PALLD: variants seen among roughly 807,000 people sequenced by gnomAD.
PALLD encodes the protein palladin.
In PALLD, 61 loss-of-function variants were observed where a neutral mutation model predicts 123.5. The observed-to-expected ratio is 0.49, with a 90% CI of 0.40 to 0.61. The LOEUF is 0.61. Among genes scored for constraint, PALLD ranks in the 20% least tolerant of loss-of-function variants. PALLD has a pLI of 0.00. For missense variants in PALLD, 1,273 were observed against 1,377.0 expected (o/e 0.92, Z 1.20); for synonymous variants, 465 against 496.4 (o/e 0.94, Z 0.84).
At position 168,816,406 on chromosome 4, in the gene PALLD, TATA is replaced by T. The variant is rs1273034068; in HGVS notation, c.1965-74515_1965-74513del. Reference sequence around the variant, plus strand: ...GTATGTGTGTATATATATATATATATATATATATTTTTTTTAAGTATTAGATTG... The same window carrying T: ...GTATGTGTGTATATATATATATATATTATATTTTTTTTAAGTATTAGATTG... On this transcript the variant is annotated intron_variant, in intron 10 of 21. Transcript: ENST00000505667. Among the ~76,000 whole-genome samples the T allele has an allele frequency of 2.7e-3, 373 of 138,372 alleles. 1 individual carries two copies. Among genetic ancestry groups the T allele is most frequent in the Non-Finnish European group, 4.0e-3 (265 of 65,462 alleles). The allele number at this position is 138,372 out of a possible 152,430, so 90.8% of individuals were successfully genotyped here.
intron 10 of PALLD, among the ~76,000 whole-genome samples, chr4:168,823,686 A>C (rs80233879): frequency 0.06 from 9,088 of 152,090 alleles, 368 homozygotes; most frequent in South Asian, 0.17. Context: ...TTCAAAAAAA[A>C]AGAAATCCCT....
At chr4:168,835,643 A>G (rs933393076) in intron 10 of PALLD, among the ~76,000 whole-genome samples, 2 of 152,104 alleles carry the variant, frequency 1.3e-5, no homozygotes, top group African/African-American at 4.8e-5. Flanking sequence ...ATTTTAAGAG[A>G]GGATAAAGAA....
intron 10 of PALLD, among the ~76,000 whole-genome samples, chr4:168,853,145 G>T (rs1377492214): frequency 6.6e-6 from 1 of 152,190 alleles, no homozygotes; most frequent in African/African-American, 2.4e-5. Context: ...ACATCTGAGA[G>T]GACTTCATAT....
At chr4:168,831,729 A>G (rs1041770880) in intron 10 of PALLD, among the ~76,000 whole-genome samples, 1 of 152,156 alleles carries the variant, frequency 6.6e-6, no homozygotes, top group African/African-American at 2.4e-5. Context: ...GTAAAGGAAA[A>G]AAACACAAAC....
chr4:168,640,468 G>A (rs1376766730), intron 2 of PALLD, among the ~76,000 whole-genome samples: 1 of 152,172 alleles, frequency 6.6e-6, no homozygotes, highest in African/African-American at 2.4e-5. Flanking sequence ...AAAGCCAGTA[G>A]TCCATCTCCC....
chr4:168,597,107 C>T (rs1283238622), intron 2 of PALLD, among the ~76,000 whole-genome samples: 2 of 151,940 alleles, frequency 1.3e-5, no homozygotes, highest in East Asian at 3.9e-4. Context: ...AGAATTGTCA[C>T]AGATGAATTT....
At chr4:168,775,751 G>T (rs1026697880) in intron 10 of PALLD, among the ~76,000 whole-genome samples, 2 of 151,930 alleles carry the variant, frequency 1.3e-5, no homozygotes, top group South Asian at 2.1e-4. Context: ...TTATTTGTTT[G>T]CATATGCATT....
At chr4:168,747,271 A>G (rs542488506) in intron 10 of PALLD, among the ~76,000 whole-genome samples, 3 of 152,350 alleles carry the variant, frequency 2.0e-5, no homozygotes, top group African/African-American at 7.2e-5. Context: ...AGAAGACAGC[A>G]TGTCTAGGAC....
intron 10 of PALLD, among the ~76,000 whole-genome samples, chr4:168,884,826 A>G (rs1363696754): frequency 6.6e-6 from 1 of 152,126 alleles, no homozygotes; most frequent in Non-Finnish European, 1.5e-5. Context: ...ACTTACTTCC[A>G]TGCTGAATAT....
chr4:168,613,335 T>A (rs1773915078), intron 2 of PALLD, among the ~76,000 whole-genome samples: 1 of 152,088 alleles, frequency 6.6e-6, no homozygotes, highest in Admixed American at 6.5e-5. Flanking sequence ...AAGATAAACA[T>A]CTTGACTGAG....
chr4:168,851,832 A>C (rs762833808), intron 10 of PALLD, among the ~76,000 whole-genome samples: 6 of 152,170 alleles, frequency 3.9e-5, no homozygotes, highest in Non-Finnish European at 8.8e-5. Context: ...AAAATAATCT[A>C]ATGTTGAAGC....
intron 2 of PALLD, among the ~76,000 whole-genome samples, chr4:168,579,570 A>G (rs906869263): frequency 6.6e-5 from 10 of 152,206 alleles, no homozygotes; most frequent in Admixed American, 2.0e-4. Flanking sequence ...GTCTAGGTCA[A>G]TGTTCTTAAA....
intron 10 of PALLD, among the ~76,000 whole-genome samples, chr4:168,808,834 T>G (rs1013921462): frequency 9.2e-5 from 14 of 152,104 alleles, no homozygotes; most frequent in Admixed American, 6.5e-5. Flanking sequence ...GCCCCCATGA[T>G]TCAATTATCT....
At chr4:168,785,846 G>GAGATATATATATATATAT (rs764117358) in intron 10 of PALLD, among the ~76,000 whole-genome samples, 41 of 80,898 alleles carry the variant, frequency 5.1e-4, no homozygotes, top group African/African-American at 1.3e-3. Flanking sequence ...AAACTGTAGA[G>GAGATATATATATATATAT]ATATATATAT....
chr4:168,786,804 T>C (rs1736828207), intron 10 of PALLD, among the ~76,000 whole-genome samples: 1 of 152,122 alleles, frequency 6.6e-6, no homozygotes, highest in African/African-American at 2.4e-5. Flanking sequence ...AAAAACTGGA[T>C]AGAAAATTAT....
At chr4:168,713,515 CAGG>C (rs1205623597) in intron 10 of PALLD, among the ~76,000 whole-genome samples, 1 of 152,144 alleles carries the variant, frequency 6.6e-6, no homozygotes, top group Non-Finnish European at 1.5e-5. Context: ...ATGTAAATCA[CAGG>C]AGAGCAAATA....
At chr4:168,529,380 C>A (rs970025112) in intron 2 of PALLD, among the ~76,000 whole-genome samples, 1 of 152,024 alleles carries the variant, frequency 6.6e-6, no homozygotes, top group Non-Finnish European at 1.5e-5. Context: ...AAATCTGACT[C>A]CCTCCCTCAG....
intron 2 of PALLD, among the ~76,000 whole-genome samples, chr4:168,519,975 A>G (rs1763370598): frequency 6.6e-6 from 1 of 152,200 alleles, no homozygotes; most frequent in Non-Finnish European, 1.5e-5. Flanking sequence ...AGGACAATAA[A>G]TATTCCCTAG....
chr4:168,582,887 C>A (rs544177738), intron 2 of PALLD, among the ~76,000 whole-genome samples: 1 of 152,194 alleles, frequency 6.6e-6, no homozygotes, highest in Non-Finnish European at 1.5e-5. Context: ...TAAGCCAGTG[C>A]CTGATAAATG....
Sources: gnomAD v4.1 joint callset for allele counts (sites outside exome capture counted in the v4.1 genomes callset) on GRCh38, gnomAD v4.1.1 for gene constraint, MANE v1.5 for transcripts, NCBI Gene and HGNC (gene_info 2026-07-23, HGNC 2026-07-21) for gene names.